Variants in MLIP observed in about 807,000 individuals in gnomAD.
MLIP encodes muscular LMNA-interacting protein.
A neutral mutation model predicts 84.8 loss-of-function variants in MLIP; 79 were observed. That is an observed-to-expected ratio of 0.93 (90% CI 0.78 to 1.12). MLIP has a LOEUF of 1.12. MLIP is among the 50% of genes most tolerant of loss of function. The pLI is 0.00. For synonymous variants in MLIP, 504 were observed against 463.0 expected (o/e 1.09, Z -1.14); for missense variants, 1,257 against 1,160.6 (o/e 1.08, Z -1.21).
intron 12 of MLIP, among the ~76,000 whole-genome samples, chr6:54,239,998 C>T (rs1017151634): frequency 3.9e-5 from 6 of 152,036 alleles, no homozygotes; most frequent in South Asian, 2.1e-4. Context: ...AGTTAAAATT[C>T]GTCTGCAGAG....
intron 1 of MLIP, chr6:54,046,567 C>T (rs1359135791): frequency 2.0e-4 from 31 of 152,156 alleles, no homozygotes; most frequent in Admixed American, 2.0e-3. Flanking sequence ...TTGTATTGCA[C>T]AACTGTTCCC....
chr6:54,121,388 A>C, intron 1 of MLIP, 59 bp from the exon 2 acceptor site: 2 of 1,550,644 alleles, frequency 1.3e-6, no homozygotes, highest in East Asian at 2.2e-5. Context: ...CATATGGAGA[A>C]TAAAGGCAAG....
At chr6:54,179,461 G>A (rs1033162195) in intron 9 of MLIP, among the ~76,000 whole-genome samples, 2 of 151,562 alleles carry the variant, frequency 1.3e-5, no homozygotes, top group African/African-American at 2.4e-5. Context: ...TGGTTGTTTT[G>A]TGGTATCCTC....
chr6:54,118,705 A>G (rs1336326062), intron 1 of MLIP, among the ~76,000 whole-genome samples: 2 of 152,224 alleles, frequency 1.3e-5, no homozygotes, highest in Non-Finnish European at 2.9e-5. Flanking sequence ...CAGCAAGGGA[A>G]ACAATCAACA....
chr6:54,032,693 A>G (rs1764209614), intron 1 of MLIP, among the ~76,000 whole-genome samples: 1 of 152,198 alleles, frequency 6.6e-6, no homozygotes. Flanking sequence ...AGCTGGGACT[A>G]GAGGTGTGCA....
intron 5 of MLIP, among the ~76,000 whole-genome samples, chr6:54,158,832 A>AT (rs1379637360): frequency 1.3e-5 from 2 of 151,922 alleles, no homozygotes; most frequent in Admixed American, 1.3e-4. Context: ...AAGAATCAAG[A>AT]TTTTTGAATT....
intron 9 of MLIP, among the ~76,000 whole-genome samples, chr6:54,187,118 G>A (rs569848483): frequency 6.6e-6 from 1 of 152,304 alleles, no homozygotes; most frequent in Non-Finnish European, 1.5e-5. Context: ...ACAGTGTGGG[G>A]ATTATGTGAT....
At chr6:54,143,064 C>T (rs533514498) in intron 4 of MLIP, among the ~76,000 whole-genome samples, 102 of 152,260 alleles carry the variant, frequency 6.7e-4, no homozygotes, top group African/African-American at 2.3e-3. Flanking sequence ...ATCTGTCACT[C>T]GGCCTCTATA....
intron 11 of MLIP, among the ~76,000 whole-genome samples, chr6:54,223,398 G>C (rs1271655199): frequency 6.6e-6 from 1 of 151,874 alleles, no homozygotes; most frequent in Non-Finnish European, 1.5e-5. Flanking sequence ...TTATGTTTAT[G>C]TGTTTAATCC....
intron 12 of MLIP, among the ~76,000 whole-genome samples, chr6:54,249,055 C>T (rs542931430): frequency 2.4e-4 from 37 of 152,086 alleles, no homozygotes; most frequent in Non-Finnish European, 4.9e-4. Context: ...TTCATTTTAC[C>T]ATCCCCATCA....
chr6:54,216,964 T>G (rs1779895022), intron 11 of MLIP: 1 of 985,392 alleles, frequency 1.0e-6, no homozygotes, highest in Non-Finnish European at 1.2e-6. Context: ...ATTAGCAAGG[T>G]GTTGATTTAA....
chr6:54,237,326 G>C (rs59832538), intron 12 of MLIP, among the ~76,000 whole-genome samples: 2 of 151,926 alleles, frequency 1.3e-5, no homozygotes, highest in Admixed American at 6.6e-5. Flanking sequence ...GTTGAGGAGA[G>C]GGGGTGGGGC....
intron 1 of MLIP, among the ~76,000 whole-genome samples, chr6:54,116,365 T>C (rs779271497): frequency 6.6e-6 from 1 of 152,164 alleles, no homozygotes; most frequent in Non-Finnish European, 1.5e-5. Flanking sequence ...AAAGATAAAT[T>C]TGACAAATCT....
At position 54,138,245 on chromosome 6, in the gene MLIP, G is replaced by T; in HGVS notation, c.2176G>T (p.Ala726Ser). 6.5e-7 allele frequency: 1 copy of T among 1,536,004 alleles called. No individual in the cohort carries two copies. ...GACAGAGGAGCTGATTTCACCTTGT[G>T]CATTGTCCATGTCAACAGGCCCAGA... The part of the protein sequence containing the change: ...TRTEELISPC[A>S]LSMSTGPENK... The change falls in exon 4 of 14, where the codon GCA becomes TCA. Residue 726 changes from alanine (A) to serine (S), a missense_variant. Transcript: ENST00000502396.
At chr6:54,210,705 T>G (rs190713112) in intron 11 of MLIP, among the ~76,000 whole-genome samples, 1 of 126,702 alleles carries the variant, frequency 7.9e-6, no homozygotes, top group Non-Finnish European at 1.6e-5. Flanking sequence ...CCTGTGTGCA[T>G]TTACAATAAA....
At chr6:54,223,807 AAAG>A (rs1461960875) in intron 11 of MLIP, among the ~76,000 whole-genome samples, 1 of 152,102 alleles carries the variant, frequency 6.6e-6, no homozygotes, top group Non-Finnish European at 1.5e-5. Flanking sequence ...TAAAAAGTAA[AAAG>A]AAGATCTAAC....
chr6:54,184,603 G>T (rs761962237), intron 9 of MLIP, among the ~76,000 whole-genome samples: 12 of 152,230 alleles, frequency 7.9e-5, no homozygotes, highest in Non-Finnish European at 1.3e-4. Flanking sequence ...CCTTGTGTAG[G>T]AATTTGTCTT....
chr6:54,079,453 T>G (rs1423973576), intron 1 of MLIP: 2 of 152,228 alleles, frequency 1.3e-5, no homozygotes, highest in African/African-American at 4.8e-5. Flanking sequence ...TGAATTTGCT[T>G]TTATTGTGTC....
At chr6:54,175,310 G>T (rs1776174917) in intron 9 of MLIP, among the ~76,000 whole-genome samples, 1 of 151,964 alleles carries the variant, frequency 6.6e-6, no homozygotes, top group Non-Finnish European at 1.5e-5. Flanking sequence ...GATAGGAATT[G>T]CTTTGAATCT....
Sources: gnomAD v4.1 joint callset for allele counts (sites outside exome capture counted in the v4.1 genomes callset) on GRCh38, gnomAD v4.1.1 for gene constraint, MANE v1.5 for transcripts, NCBI Gene and HGNC (gene_info 2026-07-23, HGNC 2026-07-21) for gene names.